The following ROBO2 variants were observed in gnomAD, a reference collection of about 807,000 sequenced individuals.
The protein encoded by ROBO2 is roundabout homolog 2.
In ROBO2, 53 loss-of-function variants were observed where a neutral mutation model predicts 160.8. The ratio of observed to expected loss-of-function variants is 0.33; its 90% CI spans 0.26 to 0.41. The LOEUF (loss-of-function observed/expected upper bound fraction) is 0.41, where lower values mean the gene tolerates loss of function less well. Ranked by LOEUF, ROBO2 falls within the 10% of genes least tolerant of loss-of-function variation. ROBO2 has a pLI of 1.00. For synonymous variants in ROBO2, 664 were observed against 611.7 expected, an observed-to-expected ratio of 1.09 and a Z score of -1.26; for missense variants, 1,577 against 1,722.4, an observed-to-expected ratio of 0.92 and a Z score of 1.49.
At chr3:77,131,328 T>G (rs1164761492) in intron 2 of ROBO2, among the ~76,000 whole-genome samples, 1 of 152,222 alleles carries the variant, frequency 6.6e-6, no homozygotes, top group Non-Finnish European at 1.5e-5. Context: ...CTTTTAGCCT[T>G]CAGTAGCTTG....
chr3:77,488,180 A>G (rs1372428677), intron 4 of ROBO2, among the ~76,000 whole-genome samples: 2 of 152,196 alleles, frequency 1.3e-5, no homozygotes. Context: ...TGAGAGCCAT[A>G]CTTTACAGAA....
At chr3:76,311,899 A>G (rs1200858447) in intron 2 of ROBO2, among the ~76,000 whole-genome samples, 2 of 152,208 alleles carry the variant, frequency 1.3e-5, no homozygotes, top group African/African-American at 2.4e-5. Flanking sequence ...GATAAATTGC[A>G]TTAACTTTAT....
intron 2 of ROBO2, among the ~76,000 whole-genome samples, chr3:76,247,733 G>T (rs1031521757): frequency 4.6e-5 from 7 of 151,702 alleles, no homozygotes; most frequent in Admixed American, 2.0e-4. Flanking sequence ...GAAAATTTTC[G>T]CAACCTACTC....
intron 2 of ROBO2, among the ~76,000 whole-genome samples, chr3:76,516,099 T>C (rs952712026): frequency 6.6e-6 from 1 of 152,162 alleles, no homozygotes; most frequent in Non-Finnish European, 1.5e-5. Flanking sequence ...TTTAACAGAA[T>C]GACATCCCTA....
chr3:76,261,312 GTCTTTACCTGGAGAC>G (rs1706747156), intron 2 of ROBO2, among the ~76,000 whole-genome samples: 1 of 151,622 alleles, frequency 6.6e-6, no homozygotes, highest in Non-Finnish European at 1.5e-5. Context: ...TACCTGGAGA[GTCTTTACCTGGAGAC>G]TCTTTACCTG....
At chr3:77,110,102 T>C (rs759222495) in intron 2 of ROBO2, among the ~76,000 whole-genome samples, 9 of 152,220 alleles carry the variant, frequency 5.9e-5, no homozygotes, top group Non-Finnish European at 8.8e-5. Context: ...TGATTTTCTC[T>C]GTACAGTTCC....
intron 4 of ROBO2, among the ~76,000 whole-genome samples, chr3:77,486,539 T>C (rs2085377180): frequency 6.6e-6 from 1 of 152,128 alleles, no homozygotes. Flanking sequence ...TTTTTTCATA[T>C]GTTTGTTAGC....
At chr3:76,618,666 T>C (rs2109203967) in intron 2 of ROBO2, among the ~76,000 whole-genome samples, 1 of 151,728 alleles carries the variant, frequency 6.6e-6, no homozygotes, top group Admixed American at 6.6e-5. Context: ...TTTAAAATAT[T>C]AGAGCATTTC....
intron 1 of ROBO2, among the ~76,000 whole-genome samples, chr3:77,093,689 T>C (rs1378085628): frequency 6.6e-6 from 1 of 152,204 alleles, no homozygotes; most frequent in Admixed American, 6.5e-5. Flanking sequence ...TCCCCATATT[T>C]TTAATAACAT....
At chr3:76,493,734 C>T (rs1227831402) in intron 2 of ROBO2, among the ~76,000 whole-genome samples, 2 of 152,224 alleles carry the variant, frequency 1.3e-5, no homozygotes, top group Admixed American at 6.5e-5. Context: ...TACTGCTGGT[C>T]CCTGACCCCT....
chr3:76,005,725 A>G (rs2066003082), intron 2 of ROBO2, among the ~76,000 whole-genome samples: 1 of 152,198 alleles, frequency 6.6e-6, no homozygotes, highest in South Asian at 2.1e-4. Context: ...CTTGAACAAT[A>G]TAACACACAC....
intron 2 of ROBO2, among the ~76,000 whole-genome samples, chr3:76,791,477 T>G (rs1449092566): frequency 6.6e-6 from 1 of 151,658 alleles, no homozygotes; most frequent in Non-Finnish European, 1.5e-5. Flanking sequence ...TTTCTCTCTC[T>G]CTCTCTGTGT....
chr3:77,048,506 G>A (rs1392334753), intron 1 of ROBO2, among the ~76,000 whole-genome samples: 1 of 152,172 alleles, frequency 6.6e-6, no homozygotes, highest in Non-Finnish European at 1.5e-5. Context: ...CTGCATTTTG[G>A]TTCATGTTGG....
intron 2 of ROBO2, among the ~76,000 whole-genome samples, chr3:75,998,458 TG>T (rs2065791212): frequency 6.6e-6 from 1 of 152,210 alleles, no homozygotes; most frequent in South Asian, 2.1e-4. Flanking sequence ...GCACACTTAC[TG>T]TGCTAATGGT....
chr3:76,411,806 G>GTAGAATGTGTA (rs1445748953), intron 2 of ROBO2, among the ~76,000 whole-genome samples: 4 of 152,200 alleles, frequency 2.6e-5, no homozygotes, highest in Non-Finnish European at 4.4e-5. Flanking sequence ...ATGCTATTGT[G>GTAGAATGTGTA]TAGAATGTGT....
At chr3:76,953,196 C>T (rs2079057430) in intron 2 of ROBO2, among the ~76,000 whole-genome samples, 1 of 152,190 alleles carries the variant, frequency 6.6e-6, no homozygotes, top group South Asian at 2.1e-4. Flanking sequence ...TGCTAGTGAA[C>T]ACCACCCATC....
intron 2 of ROBO2, among the ~76,000 whole-genome samples, chr3:76,648,476 A>T (rs2091090558): frequency 6.6e-6 from 1 of 152,154 alleles, no homozygotes; most frequent in African/African-American, 2.4e-5. Context: ...GAAGGCTACT[A>T]CAATGATTAT....
intron 24 of ROBO2, among the ~76,000 whole-genome samples, chr3:77,643,587 G>A (rs187758770): frequency 1.3e-5 from 2 of 152,046 alleles, no homozygotes; most frequent in Admixed American, 6.6e-5. Context: ...GGTGTGGCGC[G>A]GGAGGTGGGG....
intron 1 of ROBO2, among the ~76,000 whole-genome samples, chr3:75,935,870 TCCA>T (rs1445623044): frequency 3.3e-5 from 5 of 152,290 alleles, no homozygotes; most frequent in African/African-American, 9.6e-5. Context: ...TGTCTCAGTC[TCCA>T]CAAGAGTACC....
Sources: gnomAD v4.1 joint callset for allele counts (sites outside exome capture counted in the v4.1 genomes callset) on GRCh38, gnomAD v4.1.1 for gene constraint, MANE v1.5 for transcripts, NCBI Gene and HGNC (gene_info 2026-07-23, HGNC 2026-07-21) for gene names.